SAMD12: variants seen among roughly 807,000 people sequenced by gnomAD.
The protein encoded by SAMD12 is sterile alpha motif domain-containing protein 12.
SAMD12 carries 9 observed loss-of-function variants against 15.0 expected under a neutral mutation model. The observed-to-expected ratio is 0.60, with a 90% confidence interval of 0.36 to 1.05. The LOEUF is 1.05. SAMD12 is among the 50% of genes least tolerant of loss of function. The pLI, the probability that SAMD12 is intolerant of heterozygous loss-of-function variation, is 0.01. For synonymous variants in SAMD12, 86 were observed against 90.1 expected (o/e 0.96, Z 0.25); for missense variants, 230 against 234.2 (o/e 0.98, Z 0.12).
At chr8:118,420,415 T>C (rs1001865917) in intron 3 of SAMD12, among the ~76,000 whole-genome samples, 1 of 152,210 alleles carries the variant, frequency 6.6e-6, no homozygotes, top group Admixed American at 6.5e-5. Flanking sequence ...TGGGACCAGA[T>C]GTACAATGTA....
At chr8:118,189,946 G>GAAAAAAAAAAAAAAAA (rs895075538) in exon 5 of SAMD12, 1 of 69,064 alleles carries the variant, frequency 1.4e-5, no homozygotes, top group Non-Finnish European at 2.9e-5. Context: ...ATGCACAGAG[G>GAAAAAAAAAAAAAAAA]AAAAAAAAAA....
intron 2 of SAMD12, among the ~76,000 whole-genome samples, chr8:118,481,729 T>C (rs1342039175): frequency 1.4e-5 from 2 of 141,074 alleles, no homozygotes; most frequent in African/African-American, 2.6e-5. Context: ...ACAACTGACT[T>C]ACCTAAATGA....
intron 1 of SAMD12, among the ~76,000 whole-genome samples, chr8:118,611,035 T>C (rs906184346): frequency 3.3e-5 from 5 of 152,192 alleles, no homozygotes; most frequent in African/African-American, 7.2e-5. Context: ...TGTTATCAAG[T>C]GCCCCAGGAG....
intron 4 of SAMD12, among the ~76,000 whole-genome samples, chr8:118,223,093 G>A (rs1229495493): frequency 6.6e-6 from 1 of 152,158 alleles, no homozygotes; most frequent in Non-Finnish European, 1.5e-5. Context: ...AGCTTAAGCA[G>A]AATGAGAGAT....
At chr8:118,223,876 A>C (rs1363018178) in intron 4 of SAMD12, among the ~76,000 whole-genome samples, 1 of 152,176 alleles carries the variant, frequency 6.6e-6, no homozygotes, top group Non-Finnish European at 1.5e-5. Flanking sequence ...ATCTTTAGTG[A>C]ATCACCAGGT....
intron 1 of SAMD12, among the ~76,000 whole-genome samples, chr8:118,594,802 T>A (rs2131286743): frequency 6.6e-6 from 1 of 152,212 alleles, no homozygotes; most frequent in South Asian, 2.1e-4. Flanking sequence ...TACAAATGAA[T>A]AAACACAGGC....
In SAMD12 at chr8:118,457,337, C is replaced by T. The variant is rs183919852; in HGVS notation, c.193-17376G>A. 8.1e-4 allele frequency among the ~76,000 whole-genome samples: 123 copies of T among 151,226 alleles called. 3 individuals are homozygous for T. Among genetic ancestry groups the T allele is most frequent in the Admixed American group, 8.0e-3 (121 of 15,132 alleles). ...CCTCAAACTCCTGGGCTCAGGGAATCGTCCCACCTTAGCCTCCTGAACAGC... is the reference window on the plus strand; with the variant it reads ...CCTCAAACTCCTGGGCTCAGGGAATTGTCCCACCTTAGCCTCCTGAACAGC... On this transcript the variant is annotated intron_variant, in intron 2 of 3. Coordinates refer to ENST00000314727, the MANE Select transcript of SAMD12 (RefSeq NM_207506.3).
chr8:118,145,577 A>G, the SAMD12 span, among the ~76,000 whole-genome samples: 1 of 152,232 alleles, frequency 6.6e-6, no homozygotes, highest in Non-Finnish European at 1.5e-5. Context: ...CAGATTCTCC[A>G]GAAAGCAGAT....
exon 5 of SAMD12, chr8:118,190,910 C>G (rs1266128204): frequency 6.6e-6 from 1 of 152,128 alleles, no homozygotes; most frequent in Non-Finnish European, 1.5e-5. Flanking sequence ...AAGAATAACT[C>G]AAGTATATAA....
chr8:118,181,052 AT>A, the SAMD12 span, among the ~76,000 whole-genome samples: 36 of 148,516 alleles, frequency 2.4e-4, no homozygotes, highest in East Asian at 9.9e-4. Context: ...TTTGTATTAA[AT>A]TTTTTTTTTT....
intron 3 of SAMD12, among the ~76,000 whole-genome samples, chr8:118,408,341 G>A (rs868488055): frequency 1.2e-4 from 18 of 152,252 alleles, no homozygotes; most frequent in South Asian, 6.2e-4. Context: ...TCACCTAGAC[G>A]TCAAACCCGC....
intron 1 of SAMD12, among the ~76,000 whole-genome samples, chr8:118,607,219 T>C (rs1441954198): frequency 1.3e-5 from 2 of 151,174 alleles, no homozygotes; most frequent in African/African-American, 4.9e-5. Flanking sequence ...AAAGTCCTGA[T>C]CCAGTATTCC....
intron 4 of SAMD12, among the ~76,000 whole-genome samples, chr8:118,336,487 G>A (rs577384530): frequency 6.6e-6 from 1 of 152,136 alleles, no homozygotes; most frequent in South Asian, 2.1e-4. Flanking sequence ...GAAATTTTCA[G>A]TGCATGTGTC....
chr8:118,246,199 A>G (rs183777077), intron 4 of SAMD12, among the ~76,000 whole-genome samples: 54 of 152,250 alleles, frequency 3.5e-4, no homozygotes, highest in Admixed American at 3.4e-3. Flanking sequence ...CCTCCAAAGT[A>G]TCTGTTATTC....
intron 4 of SAMD12, among the ~76,000 whole-genome samples, chr8:118,227,921 T>C (rs917548970): frequency 1.2e-4 from 18 of 152,246 alleles, no homozygotes; most frequent in Non-Finnish European, 2.1e-4. Flanking sequence ...ATTATGTTAC[T>C]GGTATAAAAA....
chr8:118,260,697 A>C (rs1813057243), intron 4 of SAMD12, among the ~76,000 whole-genome samples: 1 of 152,044 alleles, frequency 6.6e-6, no homozygotes, highest in Admixed American at 6.6e-5. Context: ...GTGACATTGG[A>C]GTCTATCCTC....
At chr8:118,458,915 T>C (rs576421444) in intron 2 of SAMD12, among the ~76,000 whole-genome samples, 142 of 152,018 alleles carry the variant, frequency 9.3e-4, no homozygotes, top group Non-Finnish European at 1.5e-3. Flanking sequence ...GTTTGCCCCA[T>C]TGTTCAAAGC....
the SAMD12 span, among the ~76,000 whole-genome samples, chr8:118,175,978 A>G: frequency 2.0e-5 from 3 of 152,332 alleles, no homozygotes; most frequent in East Asian, 5.8e-4. Context: ...TGACCCAGCA[A>G]TCCCATCACT....
At chr8:118,331,944 T>G (rs892019045) in intron 4 of SAMD12, among the ~76,000 whole-genome samples, 4 of 152,284 alleles carry the variant, frequency 2.6e-5, no homozygotes, top group African/African-American at 9.6e-5. Flanking sequence ...AGAACATAGA[T>G]TTTAAACATG....
Sources: gnomAD v4.1 joint callset for allele counts (sites outside exome capture counted in the v4.1 genomes callset) on GRCh38, gnomAD v4.1.1 for gene constraint, MANE v1.5 for transcripts, NCBI Gene and HGNC (gene_info 2026-07-23, HGNC 2026-07-21) for gene names.